Variants in CEP164 observed in about 807,000 individuals in gnomAD.
CEP164 encodes centrosomal protein of 164 kDa.
In CEP164, 162 loss-of-function variants were observed where a neutral mutation model predicts 182.7. The ratio of observed to expected loss-of-function variants is 0.89; its 90% CI spans 0.78 to 1.01. The LOEUF is 1.01. Ranked by LOEUF, CEP164 falls within the 50% of genes least tolerant of loss-of-function variation. The pLI, the probability that CEP164 is intolerant of heterozygous loss-of-function variation, is 0.00. For synonymous variants in CEP164, 661 were observed against 690.0 expected, an observed-to-expected ratio of 0.96 and a Z score of 0.66; for missense variants, 1,735 against 1,790.4, an observed-to-expected ratio of 0.97 and a Z score of 0.56.
At chr11:117,332,301 AC>A (rs2036350638) in intron 1 of CEP164, among the ~76,000 whole-genome samples, 1 of 152,170 alleles carries the variant, frequency 6.6e-6, no homozygotes, top group South Asian at 2.1e-4. Flanking sequence ...TTGGCCAGGC[AC>A]GGTGGCTCAC....
At chr11:117,356,692 A>C (rs1005451882) in intron 5 of CEP164, 1 of 1,193,480 alleles carries the variant, frequency 8.4e-7, no homozygotes, top group African/African-American at 1.6e-5. Flanking sequence ...ATGTCTTACC[A>C]CAGCCATCAG....
chr11:117,368,715 G>A (rs1369059070), intron 8 of CEP164, among the ~76,000 whole-genome samples: 4 of 152,212 alleles, frequency 2.6e-5, no homozygotes, highest in South Asian at 2.1e-4. Context: ...CTGGATATGA[G>A]CTTCTGCTGA....
intron 8 of CEP164, among the ~76,000 whole-genome samples, chr11:117,370,328 A>C (rs1182565604): frequency 6.6e-6 from 1 of 152,218 alleles, no homozygotes; most frequent in Admixed American, 6.5e-5. Flanking sequence ...TTGCCTATTA[A>C]ACATGAAAAA....
intron 27 of CEP164, among the ~76,000 whole-genome samples, chr11:117,402,324 G>A (rs993441085): frequency 2.6e-5 from 4 of 151,652 alleles, no homozygotes; most frequent in African/African-American, 9.7e-5. Flanking sequence ...AGATTCAAGC[G>A]ATTCTCCTGC....
chr11:117,378,960 C>T (rs1426513064), intron 11 of CEP164, among the ~76,000 whole-genome samples: 3 of 152,164 alleles, frequency 2.0e-5, no homozygotes, highest in Non-Finnish European at 4.4e-5. Flanking sequence ...ACTATCACCC[C>T]CACTTCATTA....
chr11:117,379,091 C>T (rs1019785330), intron 11 of CEP164, among the ~76,000 whole-genome samples: 6 of 152,152 alleles, frequency 3.9e-5, no homozygotes, highest in Non-Finnish European at 7.3e-5. Flanking sequence ...GTTGCACCCT[C>T]GAAGGGGAAA....
intron 4 of CEP164, among the ~76,000 whole-genome samples, chr11:117,348,172 A>C (rs749752096): frequency 2.0e-5 from 3 of 151,940 alleles, no homozygotes; most frequent in African/African-American, 7.3e-5. Context: ...GGGTTATGCC[A>C]TGTTGCTCAG....
In CEP164 at chr11:117,344,184, G is replaced by T. The variant is rs760829793; in HGVS notation, c.101G>T (p.Arg34Leu). The T allele has an allele frequency of 1.6e-5, 25 of 1,611,374 alleles. No homozygotes were observed. The South Asian group carries it at 2.8e-4, about 18-fold the overall frequency. ...CTTGCAGAAATTCTTGAATTTGCCCGGGAGATTGGTATTGATCCCATCAAG... is the reference window on the plus strand; with the variant it reads ...CTTGCAGAAATTCTTGAATTTGCCCTGGAGATTGGTATTGATCCCATCAAG... Reference protein sequence around the residue: ...PSEQEILEFAREIGIDPIKEP... With the variant: ...PSEQEILEFALEIGIDPIKEP... Residue 34 changes from arginine (R) to leucine (L), a missense_variant, in exon 4 of 33, where the codon CGG becomes CTG. Arg to Leu is a moderately radical substitution (Grantham distance 102, BLOSUM62 -2). Transcript: ENST00000278935.
At chr11:117,322,727 G>A (rs1406221781) in intron 1 of CEP164, among the ~76,000 whole-genome samples, 1 of 103,486 alleles carries the variant, frequency 9.7e-6, no homozygotes, top group Non-Finnish European at 2.0e-5. Flanking sequence ...GGCATATTTT[G>A]TGTTTATATA....
At chr11:117,346,580 T>G (rs964880320) in intron 4 of CEP164, among the ~76,000 whole-genome samples, 1 of 150,468 alleles carries the variant, frequency 6.6e-6, no homozygotes, top group African/African-American at 2.4e-5. Flanking sequence ...TTAAAATAAG[T>G]TGGCCAGGCA....
At chr11:117,382,378 C>T (rs1209714433) in intron 13 of CEP164, among the ~76,000 whole-genome samples, 5 of 152,194 alleles carry the variant, frequency 3.3e-5, no homozygotes, top group South Asian at 4.1e-4. Flanking sequence ...CTGGGTCCAG[C>T]TGAGAGGACC....
chr11:117,394,536 T>C lies in CEP164; in HGVS notation c.2760+43T>C. 6.2e-7 allele frequency: 1 copy of C among 1,607,420 alleles called. No homozygotes were observed. Among genetic ancestry groups the C allele is most frequent in the Non-Finnish European group, 8.5e-7 (1 of 1,177,288 alleles). ...GGGTGAGCCCACTGTGACCCCTCCATGCACAGTAGGAAGGTGCTGGGAGCA... is the reference window on the plus strand; with the variant it reads ...GGGTGAGCCCACTGTGACCCCTCCACGCACAGTAGGAAGGTGCTGGGAGCA... On this transcript the variant is annotated intron_variant, in intron 21 of 32. Transcript: ENST00000278935. The surrounding 1 kb of genome is among the most constrained non-coding windows in gnomAD (Gnocchi z 4.0).
chr11:117,363,032 A>G (rs1235642181), intron 7 of CEP164, among the ~76,000 whole-genome samples: 2 of 152,202 alleles, frequency 1.3e-5, no homozygotes, highest in East Asian at 1.9e-4. Context: ...CATGGTATGG[A>G]TATGCCACAT....
At chr11:117,354,968 TC>T in intron 5 of CEP164, 1 of 1,289,272 alleles carries the variant, frequency 7.8e-7, no homozygotes, top group Non-Finnish European at 1.0e-6. Flanking sequence ...GCCTCCTTCA[TC>T]CTTTCTCTGC....
Position 117,396,603 on chromosome 11 carries a change from C to T in CEP164, c.3270C>T (p.Tyr1090=), listed in dbSNP as rs2045502889. ...SSLSQSKEDL[Y]LDSLSSHNVW... is the part of the protein sequence containing the mutation. ...TCTCCCAGAGCAAGGAGGACTTATACTTGGACAGGTGAGTTCCCATAGCCT... is the reference window on the plus strand; with the variant it reads ...TCTCCCAGAGCAAGGAGGACTTATATTTGGACAGGTGAGTTCCCATAGCCT... Residue 1090 remains tyrosine (Y), a synonymous_variant, in exon 26 of 33, where the codon TAC becomes TAT. Coordinates refer to ENST00000278935, the MANE Select transcript of CEP164 (RefSeq NM_014956.5). 7 of 1,613,024 alleles carry T rather than the reference C, an allele frequency of 4.3e-6. No homozygotes were observed. In the African/African-American group the frequency reaches 5.3e-5, roughly 12 times the overall value.
intron 28 of CEP164, 145 bp from the exon 29 acceptor site, chr11:117,408,745 C>A: frequency 9.7e-7 from 1 of 1,034,232 alleles, no homozygotes; most frequent in Non-Finnish European, 1.4e-6. Flanking sequence ...GGCCATATTT[C>A]ATGGATTTGC....
chr11:117,376,237 G>C (rs2042728340), intron 11 of CEP164, among the ~76,000 whole-genome samples: 1 of 152,166 alleles, frequency 6.6e-6, no homozygotes, highest in Admixed American at 6.5e-5. Flanking sequence ...TTCCCAGCAA[G>C]CTCTTTTTTG....
At chr11:117,332,345 C>T (rs866368326) in intron 1 of CEP164, among the ~76,000 whole-genome samples, 3 of 151,950 alleles carry the variant, frequency 2.0e-5, no homozygotes, top group South Asian at 2.1e-4. Context: ...GAGGCCGAGG[C>T]GGGTGGATCA....
At chr11:117,397,485 T>C (rs1216174117) in intron 27 of CEP164, among the ~76,000 whole-genome samples, 172 bp downstream of exon 27, 1 of 152,230 alleles carries the variant, frequency 6.6e-6, no homozygotes, top group East Asian at 1.9e-4. Context: ...TGCAAACACC[T>C]TTTCTAGTAG....
Sources: gnomAD v4.1 joint callset for allele counts (sites outside exome capture counted in the v4.1 genomes callset) on GRCh38, gnomAD v4.1.1 for gene constraint, Gnocchi (gnomAD v3.1) non-coding constraint, MANE v1.5 for transcripts, NCBI Gene and HGNC (gene_info 2026-07-23, HGNC 2026-07-21) for gene names.